The following USH2A variants were observed in gnomAD, a reference collection of about 807,000 sequenced individuals.
USH2A encodes the protein Usher syndrome 2A (autosomal recessive, mild).
In USH2A, 443 loss-of-function variants were observed where a neutral mutation model predicts 538.9. That is an observed-to-expected ratio of 0.82 (90% CI 0.76 to 0.89). The LOEUF is 0.89. USH2A is among the 40% of genes least tolerant of loss of function. The pLI is 0.00. For synonymous variants in USH2A, 2,413 were observed against 2,273.5 expected (o/e 1.06, Z -1.75); for missense variants, 6,633 against 6,324.8 (o/e 1.05, Z -1.65).
At chr1:215,952,362 G>A (rs1040495809) in intron 37 of USH2A, among the ~76,000 whole-genome samples, 1 of 152,186 alleles carries the variant, frequency 6.6e-6, no homozygotes, top group African/African-American at 2.4e-5. Flanking sequence ...TTTAACTGGA[G>A]CATTTAGCCC....
At chr1:215,676,663 A>T (rs1241162337) in intron 62 of USH2A, among the ~76,000 whole-genome samples, 1 of 152,160 alleles carries the variant, frequency 6.6e-6, no homozygotes, top group Non-Finnish European at 1.5e-5. Context: ...GGAATGTTGT[A>T]TGTTGGTGTG....
At chr1:216,012,550 T>A (rs1476400422) in intron 32 of USH2A, among the ~76,000 whole-genome samples, 4 of 152,286 alleles carry the variant, frequency 2.6e-5, no homozygotes. Context: ...TTCTCACCTC[T>A]ATACAGTCTG....
intron 11 of USH2A, among the ~76,000 whole-genome samples, chr1:216,264,765 A>G (rs1412120307): frequency 2.0e-5 from 3 of 152,114 alleles, no homozygotes; most frequent in African/African-American, 7.2e-5. Flanking sequence ...AAATCCACCT[A>G]TTTACTGCCA....
chr1:215,843,667 A>G (rs1158615869), intron 46 of USH2A, among the ~76,000 whole-genome samples: 12 of 152,192 alleles, frequency 7.9e-5, no homozygotes, highest in Admixed American at 7.9e-4. Context: ...TTGCTCTCAC[A>G]TATGCGGAGA....
chr1:215,827,457 T>G (rs1369765008), intron 47 of USH2A, among the ~76,000 whole-genome samples: 1 of 152,160 alleles, frequency 6.6e-6, no homozygotes, highest in East Asian at 1.9e-4. Flanking sequence ...AAAATAGTGA[T>G]AGCAGAGCCA....
At chr1:216,141,014 T>G (rs980635250) in intron 21 of USH2A, among the ~76,000 whole-genome samples, 1 of 152,230 alleles carries the variant, frequency 6.6e-6, no homozygotes, top group Admixed American at 6.5e-5. Context: ...GATTTACTTC[T>G]TTGCATTTTA....
chr1:216,251,174 G>T, intron 11 of USH2A, 76 bp from the exon 12 acceptor site: 1 of 1,431,668 alleles, frequency 7.0e-7, no homozygotes, highest in Non-Finnish European at 9.8e-7. Context: ...GTACAAGACA[G>T]GGAGGGAGGG....
chr1:216,247,305 T>G, intron 12 of USH2A, 79 bp from the exon 13 acceptor site: 1 of 1,554,326 alleles, frequency 6.4e-7, no homozygotes, highest in Admixed American at 1.7e-5. Flanking sequence ...ACAATGCTAC[T>G]GCAGATGATA....
intron 48 of USH2A, 63 bp from the exon 49 acceptor site, chr1:215,813,967 T>A: frequency 6.6e-7 from 1 of 1,521,120 alleles, no homozygotes. Flanking sequence ...TACCACTGTA[T>A]CTCATGTAAT....
chr1:216,172,486 A>C (rs1385080440), intron 21 of USH2A, among the ~76,000 whole-genome samples: 2 of 152,120 alleles, frequency 1.3e-5, no homozygotes, highest in South Asian at 2.1e-4. Context: ...TTAACTTTTA[A>C]AATGTAATTC....
intron 59 of USH2A, 46 bp from the exon 60 acceptor site, chr1:215,741,583 A>G: frequency 6.2e-7 from 1 of 1,601,740 alleles, no homozygotes; most frequent in Non-Finnish European, 8.5e-7. Flanking sequence ...TCAAGCAAGG[A>G]AAAGAACTAC....
intron 21 of USH2A, among the ~76,000 whole-genome samples, chr1:216,165,822 T>TC (rs201646911): frequency 2.0e-5 from 3 of 151,380 alleles, no homozygotes; most frequent in South Asian, 2.1e-4. Context: ...TTTTTTTTTT[T>TC]CAACAGGTGT....
At chr1:215,858,446 T>G (rs1664228240) in intron 44 of USH2A, among the ~76,000 whole-genome samples, 1 of 150,466 alleles carries the variant, frequency 6.6e-6, no homozygotes, top group South Asian at 2.1e-4. Context: ...GATCTGATGG[T>G]TTCATAAGTG....
At position 215,637,783 on chromosome 1, in the gene USH2A, T is replaced by A. The variant is rs370984963; in HGVS notation, c.15052+1372A>T. ...TCTGTCTCAAAAAAATTAAAAAAAATTTTTTTTTTAAATTGTGTTTCAGAA... is the reference window on the plus strand; with the variant it reads ...TCTGTCTCAAAAAAATTAAAAAAAAATTTTTTTTTAAATTGTGTTTCAGAA... On this transcript the variant is annotated intron_variant, in intron 69 of 71. Transcript: ENST00000307340. Among the ~76,000 whole-genome samples, 313 of 151,020 alleles carry A rather than the reference T, an allele frequency of 2.1e-3. 1 individual carries two copies. Among genetic ancestry groups the A allele is most frequent in the South Asian group, 5.2e-3 (25 of 4,770 alleles).
At chr1:216,390,678 T>TA (rs1186853269) in intron 3 of USH2A, among the ~76,000 whole-genome samples, 1 of 152,154 alleles carries the variant, frequency 6.6e-6, no homozygotes, top group Non-Finnish European at 1.5e-5. Flanking sequence ...TTAAAAAAGA[T>TA]ACAGGAATAA....
At chr1:216,358,517 A>G (rs536424203) in intron 4 of USH2A, among the ~76,000 whole-genome samples, 12 of 152,252 alleles carry the variant, frequency 7.9e-5, no homozygotes, top group African/African-American at 1.9e-4. Context: ...ATGATTTATA[A>G]TAAGTCCATA....
intron 30 of USH2A, among the ~76,000 whole-genome samples, chr1:216,051,719 C>T (rs1452424836): frequency 6.6e-6 from 1 of 152,090 alleles, no homozygotes; most frequent in African/African-American, 2.4e-5. Flanking sequence ...GAACACCATG[C>T]CCAAAAAGAA....
Position 215,888,778 on chromosome 1 carries a change from G to T in USH2A, c.7871C>A (p.Pro2624Gln). 1 of 1,614,072 alleles carries T rather than the reference G, an allele frequency of 6.2e-7. No individual in the cohort carries two copies. Among genetic ancestry groups the T allele is most frequent in the Non-Finnish European group, 8.5e-7 (1 of 1,179,992 alleles). Residue 2624 changes from proline (P) to glutamine (Q), a missense_variant, in exon 41 of 72, where the codon CCG becomes CAG. Coordinates refer to ENST00000307340, the MANE Select transcript of USH2A (RefSeq NM_206933.4). ...CAGCTCTGGACTTGGGATCCCTTCC[G>T]GTGCCCCTGGGAGTGTCCATACAGT... is the stretch of plus-strand genomic sequence containing the variant. The part of the protein sequence containing the change: ...SQTVWTLPGA[P>Q]EGIPSPELFS...
chr1:215,653,666 C>T (rs1657149914), intron 64 of USH2A, among the ~76,000 whole-genome samples: 1 of 152,166 alleles, frequency 6.6e-6, no homozygotes, highest in South Asian at 2.1e-4. Flanking sequence ...CTCCTTCTGT[C>T]TCTCTGTCTT....
Sources: gnomAD v4.1 joint callset for allele counts (sites outside exome capture counted in the v4.1 genomes callset) on GRCh38, gnomAD v4.1.1 for gene constraint, MANE v1.5 for transcripts, NCBI Gene and HGNC (gene_info 2026-07-23, HGNC 2026-07-21) for gene names.